The following RSF1 variants were observed in gnomAD, a reference collection of about 807,000 sequenced individuals.
RSF1 encodes the protein remodeling and spacing factor 1.
A neutral mutation model predicts 145.2 loss-of-function variants in RSF1; 13 were observed. The observed-to-expected ratio is 0.09, with a 90% CI of 0.06 to 0.14. RSF1 has a LOEUF of 0.14. Ranked by LOEUF, RSF1 falls within the 10% of genes least tolerant of loss-of-function variation. The pLI, the probability that RSF1 is intolerant of heterozygous loss-of-function variation, is 1.00. For missense variants in RSF1, 1,517 were observed against 1,718.2 expected, an observed-to-expected ratio of 0.88 and a Z score of 2.07; for synonymous variants, 577 against 592.6, an observed-to-expected ratio of 0.97 and a Z score of 0.38.
rs112774230 is a variant in RSF1 at position 77,691,253 on chromosome 11, T to C, written c.2821-15A>G. On this transcript the variant is annotated splice_polypyrimidine_tract_variant and intron_variant, in intron 8 of 15. Coordinates refer to ENST00000308488, the MANE Select transcript of RSF1 (RefSeq NM_016578.4). ...CAGAGCAGTTTCTGAAGAAGCAAAA[T>C]AGATAAAAGTCATTTTAAACAACTT... 5.6e-4 allele frequency: 900 copies of C among 1,611,254 alleles called. 9 individuals are homozygous for C. In the African/African-American group the frequency reaches 8.5e-3, roughly 15 times the overall value.
intron 14 of RSF1, among the ~76,000 whole-genome samples, 172 bp from the exon 15 acceptor site, chr11:77,672,402 G>T (rs140360951): frequency 1.2e-3 from 190 of 152,194 alleles, no homozygotes; most frequent in African/African-American, 4.3e-3. Context: ...TATCACACAG[G>T]CTGGAGTGCA....
At position 77,701,447 on chromosome 11, in the gene RSF1, A is replaced by G. The variant is rs137945450; in HGVS notation, c.1782T>C (p.Thr594=). The change falls in exon 6 of 16, where the codon ACT becomes ACC. Residue 594 remains threonine, a synonymous_variant. Transcript: ENST00000308488. ...ATCTTTGTGCGTCCTTATCAAGAAA[A>G]GTCTTTTTGGACTTCTCTAACTTTT... The part of the protein sequence containing the change: ...CLEKLEKSKK[T]FLDKDAQRLS... The G allele has an allele frequency of 2.4e-5, 39 of 1,614,028 alleles. No individual in the cohort carries two copies. The African/African-American group carries it at 4.1e-4, about 17-fold the overall frequency.
intron 11 of RSF1, among the ~76,000 whole-genome samples, chr11:77,681,116 C>A (rs1239458940): frequency 6.6e-6 from 1 of 152,056 alleles, no homozygotes; most frequent in Non-Finnish European, 1.5e-5. Context: ...GATTTATATC[C>A]CAGATGCAGA....
chr11:77,785,923 C>T (rs1365053700), intron 1 of RSF1, among the ~76,000 whole-genome samples: 3 of 23,166 alleles, frequency 1.3e-4, no homozygotes, highest in Non-Finnish European at 2.3e-4. Context: ...GAGATTCTGT[C>T]TCAAAAAAAA....
intron 3 of RSF1, 73 bp downstream of exon 3, chr11:77,746,963 T>C (rs1254606204): frequency 1.0e-5 from 9 of 896,928 alleles, no homozygotes; most frequent in African/African-American, 3.4e-5. Flanking sequence ...TTTTTGTTTA[T>C]TTTCCAATTT....
chr11:77,862,685 C>T, the RSF1 span, among the ~76,000 whole-genome samples: 681 of 152,184 alleles, frequency 4.5e-3, 7 homozygotes, highest in Non-Finnish European at 5.9e-3. Context: ...TACATAATTG[C>T]GAGTTGTCTC....
intron 1 of RSF1, among the ~76,000 whole-genome samples, chr11:77,806,237 AG>A (rs1948675968): frequency 6.6e-6 from 1 of 152,218 alleles, no homozygotes; most frequent in South Asian, 2.1e-4. Context: ...AAAAAAAAAA[AG>A]GTAAATAACA....
At chr11:77,686,261 G>C (rs1449283885) in intron 9 of RSF1, among the ~76,000 whole-genome samples, 1 of 151,416 alleles carries the variant, frequency 6.6e-6, no homozygotes, top group African/African-American at 2.4e-5. Context: ...AATAAAAATT[G>C]GCCAGGTATG....
At position 77,809,485 on chromosome 11, in the gene RSF1, T is replaced by C. The variant is rs890637752; in HGVS notation, c.187+11043A>G. ...ACACTAAAGGAGTGAGATATAGTTA[T>C]CATGGTGAATACAACTAGGTAATAA... On this transcript the variant is annotated intron_variant, in intron 1 of 15. Transcript: ENST00000308488. 4.6e-5 allele frequency among the ~76,000 whole-genome samples: 7 copies of C among 152,174 alleles called. No homozygotes were observed. The South Asian group carries it at 1.4e-3, about 32-fold the overall frequency.
rs981228223 is a variant in RSF1 at position 77,660,580 on chromosome 11, T to C, written c.*6337A>G. On this transcript the variant is annotated 3_prime_UTR_variant, in exon 16 of 16. Coordinates refer to ENST00000308488, the MANE Select transcript of RSF1 (RefSeq NM_016578.4). ...CCAAATAAAACATTCTGAGAACCTA[T>C]TCCAGGAATATTTTTTTTAACGCAT... 2 of 152,148 alleles carry C rather than the reference T, an allele frequency of 1.3e-5. No homozygotes were observed. Among genetic ancestry groups the C allele is most frequent in the African/African-American group, 2.4e-5 (1 of 41,440 alleles). The allele number at this position is 152,148 out of a possible 1,614,324, so 9.4% of individuals were successfully genotyped here.
Position 77,736,866 on chromosome 11 carries a change from G to A in RSF1, c.578+3865C>T, listed in dbSNP as rs562313337. Among the ~76,000 whole-genome samples the A allele has an allele frequency of 4.6e-5, 7 of 152,230 alleles. No homozygotes were observed. In the South Asian group the frequency reaches 1.5e-3, roughly 32 times the overall value. On this transcript the variant is annotated intron_variant, in intron 4 of 15. Coordinates refer to ENST00000308488, the MANE Select transcript of RSF1 (RefSeq NM_016578.4). ...ACTATTCACTATTACATCACCAATT[G>A]TTTAGCATAGTACCTATTACACAAG...
In RSF1 at chr11:77,670,789, C is replaced by T. The variant is rs563676856; in HGVS notation, c.3751+1253G>A. ...GCTCAAACTTAAATTCATGTTTAAT[C>T]TATGAAAGCAAAACAATCTTCAAAA... On this transcript the variant is annotated intron_variant, in intron 15 of 15. Transcript: ENST00000308488. Among the ~76,000 whole-genome samples, 193 of 151,846 alleles carry T rather than the reference C, an allele frequency of 1.3e-3. 1 individual carries two copies. Among genetic ancestry groups the T allele is most frequent in the Non-Finnish European group, 2.1e-3 (143 of 67,948 alleles).
At chr11:77,763,479 C>T (rs1162350690) in intron 2 of RSF1, 3 of 152,022 alleles carry the variant, frequency 2.0e-5, no homozygotes, top group Non-Finnish European at 2.9e-5. Flanking sequence ...CTGGCTCTGT[C>T]GTTTTTAGCA....
At chr11:77,694,095 T>TA (rs1238921658) in intron 7 of RSF1, among the ~76,000 whole-genome samples, 2 of 152,132 alleles carry the variant, frequency 1.3e-5, no homozygotes, top group African/African-American at 4.8e-5. Context: ...TGCTAATTTT[T>TA]AAAAAAACCT....
the RSF1 span, among the ~76,000 whole-genome samples, chr11:77,857,539 A>G: frequency 6.6e-6 from 1 of 152,298 alleles, no homozygotes; most frequent in East Asian, 1.9e-4. Context: ...AGATCCATCC[A>G]AGCCTTGGAT....
the RSF1 span, among the ~76,000 whole-genome samples, chr11:77,837,443 TTTTGTTTG>T: frequency 6.7e-5 from 10 of 150,234 alleles, no homozygotes; most frequent in Admixed American, 2.0e-4. Context: ...TCCCTTTGGT[TTTTGTTTG>T]TTTGTTTGTT....
chr11:77,700,518 T>C (rs899634969), intron 6 of RSF1, among the ~76,000 whole-genome samples: 13 of 152,130 alleles, frequency 8.5e-5, no homozygotes, highest in African/African-American at 3.1e-4. Context: ...TATATTCCTA[T>C]ACTACTTTTA....
rs567071923 is a variant in RSF1 at position 77,695,530 on chromosome 11, A to C, written c.2716-1919T>G. ...GTTGTTGGAACTGTTCCAGCCATGG[A>C]CACAATGGAAGCTCTTTCAGGTTGT... On this transcript the variant is annotated intron_variant, in intron 7 of 15. Transcript: ENST00000308488. 1.1e-4 allele frequency among the ~76,000 whole-genome samples: 16 copies of C among 152,274 alleles called. No homozygotes were observed. In the South Asian group the frequency reaches 3.3e-3, roughly 32 times the overall value.
intron 1 of RSF1, among the ~76,000 whole-genome samples, chr11:77,790,672 T>A (rs1948507991): frequency 6.6e-6 from 1 of 152,136 alleles, no homozygotes; most frequent in African/African-American, 2.4e-5. Context: ...AGTTGATAAA[T>A]ACAGCCATTC....
Sources: gnomAD v4.1 joint callset for allele counts (sites outside exome capture counted in the v4.1 genomes callset) on GRCh38, gnomAD v4.1.1 for gene constraint, MANE v1.5 for transcripts, NCBI Gene and HGNC (gene_info 2026-07-23, HGNC 2026-07-21) for gene names.